The following PTPRD variants were observed in gnomAD, a reference collection of about 807,000 sequenced individuals.
PTPRD encodes protein tyrosine phosphatase receptor type D, also known as receptor-type tyrosine-protein phosphatase delta.
A neutral mutation model predicts 214.5 loss-of-function variants in PTPRD; 34 were observed. The ratio of observed to expected loss-of-function variants is 0.16; its 90% CI spans 0.12 to 0.21. PTPRD has a LOEUF of 0.21. Ranked by LOEUF, PTPRD falls within the 10% of genes least tolerant of loss-of-function variation. PTPRD has a pLI of 1.00. For missense variants in PTPRD, 2,545 were observed against 2,398.7 expected (o/e 1.06, Z -1.27); for synonymous variants, 1,128 against 845.7 (o/e 1.33, Z -5.79).
intron 3 of PTPRD, among the ~76,000 whole-genome samples, chr9:10,243,375 C>A (rs2091490466): frequency 6.6e-6 from 1 of 151,846 alleles, no homozygotes; most frequent in South Asian, 2.1e-4. Flanking sequence ...CTTTGTCTAC[C>A]TTGTGTATTG....
intron 4 of PTPRD, among the ~76,000 whole-genome samples, chr9:9,952,679 A>G (rs1363764627): frequency 6.6e-6 from 1 of 152,146 alleles, no homozygotes; most frequent in South Asian, 2.1e-4. Context: ...CCATTTTGCC[A>G]GGATAACTAT....
chr9:9,686,573 A>G (rs2097170870), intron 7 of PTPRD, among the ~76,000 whole-genome samples: 1 of 151,626 alleles, frequency 6.6e-6, no homozygotes, highest in African/African-American at 2.4e-5. Context: ...GGTGGCTAAT[A>G]GGAAGGCAGC....
At chr9:9,954,228 G>A (rs2093697254) in intron 4 of PTPRD, among the ~76,000 whole-genome samples, 1 of 145,476 alleles carries the variant, frequency 6.9e-6, no homozygotes, top group South Asian at 2.1e-4. Context: ...CCTGGGAGGA[G>A]GCTACAGTGA....
chr9:9,138,203 T>G (rs1018760286), intron 10 of PTPRD, among the ~76,000 whole-genome samples: 2 of 152,108 alleles, frequency 1.3e-5, no homozygotes, highest in Admixed American at 1.3e-4. Flanking sequence ...CTCTTTTATC[T>G]GACTATAAAA....
intron 2 of PTPRD, among the ~76,000 whole-genome samples, chr9:10,571,725 G>A (rs2067502836): frequency 1.3e-5 from 2 of 152,162 alleles, no homozygotes. Context: ...ACTGGGGCAG[G>A]GGGATGGATT....
intron 3 of PTPRD, among the ~76,000 whole-genome samples, chr9:10,062,037 T>C (rs552713384): frequency 1.3e-5 from 2 of 152,006 alleles, no homozygotes; most frequent in Non-Finnish European, 1.5e-5. Context: ...CATTGATTGA[T>C]TGATACTGTT....
At chr9:10,232,507 C>T (rs929155406) in intron 3 of PTPRD, among the ~76,000 whole-genome samples, 5 of 152,032 alleles carry the variant, frequency 3.3e-5, no homozygotes, top group South Asian at 4.1e-4. Flanking sequence ...TCTACTAAAT[C>T]GATTTGTATC....
intron 7 of PTPRD, among the ~76,000 whole-genome samples, chr9:9,697,732 C>T (rs1017300110): frequency 6.6e-6 from 1 of 152,066 alleles, no homozygotes; most frequent in African/African-American, 2.4e-5. Context: ...TGAAAGCTGT[C>T]ATTTCTTTTA....
chr9:10,451,344 G>C (rs915981261), intron 2 of PTPRD, among the ~76,000 whole-genome samples: 1 of 151,816 alleles, frequency 6.6e-6, no homozygotes, highest in African/African-American at 2.4e-5. Flanking sequence ...AATGACTGGA[G>C]TCTGTGATTA....
rs151154727 is a variant in PTPRD at position 8,803,387 on chromosome 9, C to T, written c.-103-69441G>A. On this transcript the variant is annotated intron_variant, in intron 11 of 45. Transcript: ENST00000381196. ...CTGAAATCAGTGAAATTAGTTTTGC[C>T]GATGAGAAAATCAAACTCAATTGGA... is the stretch of plus-strand genomic sequence containing the variant. Among the ~76,000 whole-genome samples the T allele has an allele frequency of 3.1e-3, 470 of 152,172 alleles. 2 individuals are homozygous for T. The highest frequency in any genetic ancestry group is 9.9e-3 in the African/African-American group (413 of 41,520).
intron 4 of PTPRD, among the ~76,000 whole-genome samples, chr9:9,963,105 A>G (rs910786864): frequency 6.6e-6 from 1 of 152,126 alleles, no homozygotes; most frequent in Admixed American, 6.5e-5. Flanking sequence ...TTTAGTAACA[A>G]GTTTAGTAGA....
chr9:10,517,496 T>C (rs1273705591), intron 2 of PTPRD, among the ~76,000 whole-genome samples: 1 of 152,046 alleles, frequency 6.6e-6, no homozygotes, highest in Non-Finnish European at 1.5e-5. Context: ...ACACATAAGA[T>C]CATGTCATTT....
chr9:9,060,388 G>A (rs531217418), intron 10 of PTPRD, among the ~76,000 whole-genome samples: 2 of 151,958 alleles, frequency 1.3e-5, no homozygotes, highest in African/African-American at 2.4e-5. Context: ...AATGTTATAG[G>A]TAAAACAAAT....
intron 35 of PTPRD, among the ~76,000 whole-genome samples, chr9:8,418,359 G>A (rs114885641): frequency 0.076 from 11,586 of 152,018 alleles, 827 homozygotes; most frequent in African/African-American, 0.19. Context: ...ACAGACTGGA[G>A]CATCCATTTG....
intron 9 of PTPRD, among the ~76,000 whole-genome samples, chr9:9,194,834 CTG>C (rs1403301915): frequency 6.6e-6 from 1 of 151,962 alleles, no homozygotes; most frequent in Non-Finnish European, 1.5e-5. Context: ...AAATGCTTCT[CTG>C]AGCATCAATG....
intron 9 of PTPRD, among the ~76,000 whole-genome samples, chr9:9,223,658 A>T (rs1358866101): frequency 6.6e-6 from 1 of 152,054 alleles, no homozygotes; most frequent in Non-Finnish European, 1.5e-5. Flanking sequence ...CCACTAGAGC[A>T]AATTGGTATT....
intron 8 of PTPRD, among the ~76,000 whole-genome samples, chr9:9,561,667 T>C (rs779602190): frequency 7.2e-5 from 11 of 152,326 alleles, no homozygotes; most frequent in South Asian, 4.1e-4. Context: ...AAAAACACTC[T>C]TACTTTCCAA....
chr9:10,126,064 T>C lies in PTPRD; in HGVS notation c.-544-92274A>G, dbSNP rs2098816856. ...ATTTTTAATTTAGGCTTTCAAGCAA[T>C]ATACGGAAGTTGTATTTTCTTTAGC... is the stretch of plus-strand genomic sequence containing the variant. On this transcript the variant is annotated intron_variant, in intron 3 of 45. Coordinates refer to ENST00000381196, the MANE Select transcript of PTPRD (RefSeq NM_002839.4). Among the ~76,000 whole-genome samples the C allele has an allele frequency of 2.0e-5, 3 of 152,290 alleles. No individual in the cohort carries two copies. In the South Asian group the frequency reaches 6.2e-4, roughly 32 times the overall value.
chr9:9,177,832 A>T (rs2099925848), intron 10 of PTPRD, among the ~76,000 whole-genome samples: 2 of 152,166 alleles, frequency 1.3e-5, no homozygotes, highest in Non-Finnish European at 2.9e-5. Flanking sequence ...CATATAAAAG[A>T]CTGAGTTAAT....
Sources: allele counts gnomAD v4.1 joint callset (sites outside exome capture counted in the v4.1 genomes callset), GRCh38; gene constraint gnomAD v4.1.1; transcripts MANE v1.5; gene names NCBI Gene and HGNC (gene_info 2026-07-23, HGNC 2026-07-21).